The following HMCN2 variants were observed in gnomAD, a reference collection of about 807,000 sequenced individuals.
HMCN2 encodes hemicentin 2.
HMCN2 carries 325 observed loss-of-function variants against 377.5 expected under a neutral mutation model. The observed-to-expected ratio is 0.86, with a 90% CI of 0.79 to 0.94. The LOEUF is 0.94. HMCN2 is among the 40% of genes least tolerant of loss of function. HMCN2 has a pLI of 0.00. For synonymous variants in HMCN2, 2,007 were observed against 2,046.8 expected (o/e 0.98, Z 0.53); for missense variants, 4,543 against 4,725.3 (o/e 0.96, Z 1.13).
intron 13 of HMCN2, 64 bp downstream of exon 13, chr9:130,307,002 C>T (rs1242730122): frequency 1.9e-5 from 8 of 422,222 alleles, no homozygotes; most frequent in Admixed American, 1.0e-4. Context: ...CTCCCTCCCT[C>T]CCATCCATCA....
intron 29 of HMCN2, among the ~76,000 whole-genome samples, chr9:130,350,730 C>CAAA (rs145043349): frequency 0.57 from 84,635 of 148,008 alleles, 24,930 homozygotes; most frequent in Admixed American, 0.69. Context: ...ACTAAAAATA[C>CAAA]AAAAATATAT....
chr9:130,342,159 G>C (rs1363420151), intron 24 of HMCN2, among the ~76,000 whole-genome samples, 191 bp from the exon 25 acceptor site: 1 of 152,182 alleles, frequency 6.6e-6, no homozygotes, highest in African/African-American at 2.4e-5. Flanking sequence ...GGCCCTGGTG[G>C]CTGCACCATG....
chr9:130,376,343 TTGCAGACAAA>T (rs1409828407), intron 51 of HMCN2, among the ~76,000 whole-genome samples, 163 bp from the exon 52 acceptor site: 1 of 152,188 alleles, frequency 6.6e-6, no homozygotes, highest in Non-Finnish European at 1.5e-5. Flanking sequence ...CCTATAACTC[TTGCAGACAAA>T]TGCTCTCTCC....
intron 4 of HMCN2, among the ~76,000 whole-genome samples, chr9:130,292,666 GTTA>G (rs1835851221): frequency 6.6e-6 from 1 of 152,222 alleles, no homozygotes; most frequent in African/African-American, 2.4e-5. Context: ...ATTGAGCACA[GTTA>G]TTATTCTCTT....
At chr9:130,395,425 T>C (rs1842562921) in intron 71 of HMCN2, 78 bp downstream of exon 71, 15 of 1,185,022 alleles carry the variant, frequency 1.3e-5, no homozygotes, top group Non-Finnish European at 1.6e-5. Context: ...GGATCCAAGA[T>C]CCAGAGCGGG....
chr9:130,283,099 T>C lies in HMCN2; in HGVS notation c.260-1504T>C, dbSNP rs150308596. Among the ~76,000 whole-genome samples the C allele has an allele frequency of 7.8e-3, 1,184 of 151,924 alleles. 6 individuals carry two copies. The highest frequency in any genetic ancestry group is 9.7e-3 in the Non-Finnish European group (661 of 67,918). ...AAATAAATAAATAAAATAAAATACATAGGGTGCACTGAGGACTCAAATATT... is the reference window on the plus strand; with the variant it reads ...AAATAAATAAATAAAATAAAATACACAGGGTGCACTGAGGACTCAAATATT... On this transcript the variant is annotated intron_variant, in intron 1 of 97. Coordinates refer to ENST00000683500, the MANE Select transcript of HMCN2 (RefSeq NM_001291815.2).
chr9:130,331,941 C>T (rs1838453807), intron 22 of HMCN2, among the ~76,000 whole-genome samples: 1 of 152,178 alleles, frequency 6.6e-6, no homozygotes, highest in Non-Finnish European at 1.5e-5. Flanking sequence ...ATACCCCCAC[C>T]ACCCTCCTCT....
At position 130,382,311 on chromosome 9, in the gene HMCN2, C is replaced by A. The variant is rs577047677; in HGVS notation, c.8545+14C>A. On this transcript the variant is annotated intron_variant, in intron 55 of 97. Coordinates refer to ENST00000683500, the MANE Select transcript of HMCN2 (RefSeq NM_001291815.2). ...TGCTGGTGCTGAGTGAGTGGCGGGGCCTGCAGGTGGGGATTCCCGGGACTG... is the reference window on the plus strand; with the variant it reads ...TGCTGGTGCTGAGTGAGTGGCGGGGACTGCAGGTGGGGATTCCCGGGACTG... 4 of 981,226 alleles carry A rather than the reference C, an allele frequency of 4.1e-6. No individual in the cohort carries two copies. In the East Asian group the frequency reaches 3.4e-4, roughly 84 times the overall value. The allele number at this position is 981,226 out of a possible 1,614,324, so 60.8% of individuals were successfully genotyped here.
chr9:130,427,428 G>A, intron 91 of HMCN2, 53 bp downstream of exon 91: 1 of 1,550,432 alleles, frequency 6.4e-7, no homozygotes, highest in Non-Finnish European at 8.7e-7. Flanking sequence ...GCCTGGGATG[G>A]ATGGCTTCTC....
chr9:130,404,872 C>A lies in HMCN2; in HGVS notation c.12152C>A (p.Pro4051Gln), dbSNP rs534172038. 1.6e-6 allele frequency: 2 copies of A among 1,259,118 alleles called. No individual in the cohort carries two copies. Among genetic ancestry groups the A allele is most frequent in the African/African-American group, 3.1e-5 (2 of 64,996 alleles). 78.0% of individuals were successfully genotyped at this position (1,259,118 alleles called of 1,614,324 possible). A position where few individuals can be genotyped will look rare whatever the true frequency, so the allele number is the denominator to read the frequency against. The change falls in exon 81 of 98, where the codon CCA becomes CAA. Residue 4051 changes from proline (P) to glutamine (Q), a missense_variant. Pro to Gln is a moderately conservative substitution (Grantham distance 76). This residue lies in a region of HMCN2 where 1,073 missense variants were observed against 1,319.5 expected (regional missense o/e 0.81). Transcript: ENST00000683500. ...MGKTRLVVQV[P>Q]PVIENGLPDL... Reference sequence around the variant, plus strand: ...GTGGGCCTCCCTCTGCCCGCAGTCCCACCAGTGATCGAGAATGGCCTCCCA... The same window carrying A: ...GTGGGCCTCCCTCTGCCCGCAGTCCAACCAGTGATCGAGAATGGCCTCCCA...
intron 39 of HMCN2, 130 bp from the exon 40 acceptor site, chr9:130,362,737 G>T (rs541108638): frequency 1.1e-5 from 7 of 654,480 alleles, no homozygotes; most frequent in African/African-American, 2.0e-5. Flanking sequence ...ATCATGAGGG[G>T]CTCTGAGTCT....
intron 30 of HMCN2, among the ~76,000 whole-genome samples, chr9:130,352,301 G>C (rs1287057131): frequency 2.0e-5 from 3 of 152,190 alleles, no homozygotes; most frequent in African/African-American, 7.2e-5. Context: ...ACACCCCATA[G>C]AGCAATGTTG....
At position 130,382,872 on chromosome 9, in the gene HMCN2, G is replaced by A; in HGVS notation, c.8733+6G>A. The A allele has an allele frequency of 1.0e-6, 1 of 985,810 alleles. No individual in the cohort carries two copies. Among genetic ancestry groups the A allele is most frequent in the Non-Finnish European group, 1.2e-6 (1 of 829,862 alleles). The allele number at this position is 985,810 out of a possible 1,614,324, so 61.1% of individuals were successfully genotyped here. A position where few individuals can be genotyped will look rare whatever the true frequency, so the allele number is the denominator to read the frequency against. On this transcript the variant is annotated splice_donor_region_variant and intron_variant, in intron 56 of 97. Coordinates refer to ENST00000683500, the MANE Select transcript of HMCN2 (RefSeq NM_001291815.2). ...AGGACGGGCAAGTCTTGCAGGTCAG[G>A]GCAGCCCCCTGCACGGGCTAGGGGC...
Position 130,278,127 on chromosome 9 carries a change from T to C in HMCN2, c.260-6476T>C, listed in dbSNP as rs1436621644. ...TTGTTTTTTTGTTTGTTTGGTTGGT[T>C]GGTTGGTTTTTTTTTGAGACGCAGT... On this transcript the variant is annotated intron_variant, in intron 1 of 97. Transcript: ENST00000683500. 1.3e-5 allele frequency among the ~76,000 whole-genome samples: 2 copies of C among 151,514 alleles called. 1 individual carries two copies. Among genetic ancestry groups the C allele is most frequent in the African/African-American group, 4.9e-5 (2 of 40,910 alleles).
chr9:130,309,767 T>C (rs1287983618), intron 14 of HMCN2, 145 bp from the exon 15 acceptor site: 2 of 322,266 alleles, frequency 6.2e-6, no homozygotes, highest in Non-Finnish European at 1.3e-5. Context: ...GGTCCTGACC[T>C]TGGGGCTTAA....
At chr9:130,431,976 A>G (rs1410732913) in intron 96 of HMCN2, among the ~76,000 whole-genome samples, 2 of 151,836 alleles carry the variant, frequency 1.3e-5, no homozygotes, top group Non-Finnish European at 2.9e-5. Context: ...TGCTTCCTCC[A>G]CTCTAAAGAA....
intron 28 of HMCN2, 102 bp from the exon 29 acceptor site, chr9:130,349,434 AG>A: frequency 3.3e-6 from 4 of 1,200,382 alleles, no homozygotes; most frequent in Non-Finnish European, 4.3e-6. Context: ...GTCAGGTAGG[AG>A]GGGGGCCCAG....
intron 22 of HMCN2, among the ~76,000 whole-genome samples, chr9:130,336,796 T>A (rs2131459468): frequency 6.6e-6 from 1 of 152,318 alleles, no homozygotes; most frequent in Non-Finnish European, 1.5e-5. Context: ...CCCTGTTTAA[T>A]GACTGCATGG....
intron 6 of HMCN2, 140 bp from the exon 7 acceptor site, chr9:130,296,534 A>G: frequency 2.7e-6 from 1 of 373,458 alleles, no homozygotes; most frequent in Non-Finnish European, 5.5e-6. Context: ...CCTTGGGAGG[A>G]GGTAAGTTGC....
Sources: allele counts gnomAD v4.1 joint callset (sites outside exome capture counted in the v4.1 genomes callset), GRCh38; gene constraint gnomAD v4.1.1; regional missense constraint gnomAD v4.1.1; transcripts MANE v1.5; gene names NCBI Gene and HGNC (gene_info 2026-07-23, HGNC 2026-07-21).